LRRC37A2: variants seen among roughly 807,000 people sequenced by gnomAD.
LRRC37A2 encodes the protein leucine rich repeat containing 37 member A2.
Under a neutral mutation model 68.8 loss-of-function variants are expected in LRRC37A2, and 9 were observed. The ratio of observed to expected loss-of-function variants is 0.13; its 90% confidence interval spans 0.08 to 0.23. The LOEUF (loss-of-function observed/expected upper bound fraction) is 0.23. LRRC37A2 is among the 10% of genes least tolerant of loss of function. The pLI is 1.00. For missense variants in LRRC37A2, 168 were observed against 950.4 expected, an observed-to-expected ratio of 0.18 and a Z score of 10.82; for synonymous variants, 63 against 367.6, an observed-to-expected ratio of 0.17 and a Z score of 9.48.
chr17:47,029,238 C>T, the LRRC37A2 span, among the ~76,000 whole-genome samples: 1 of 151,810 alleles, frequency 6.6e-6, no homozygotes, highest in East Asian at 2.0e-4. Flanking sequence ...CAGGTGTGAG[C>T]CACCATGCCT....
In LRRC37A2 at chr17:46,534,250, G is replaced by A. The variant is rs951339722; in HGVS notation, c.2907-5926G>A. Among the ~76,000 whole-genome samples the A allele has an allele frequency of 4.1e-5, 6 of 145,510 alleles. 1 individual carries two copies. Among genetic ancestry groups the A allele is most frequent in the African/African-American group, 1.6e-4 (6 of 36,662 alleles). ...TTCTTGGGTGTTTCTCGCAGAGGGG[G>A]ATTTGGCAGGGTCATAGGACAATAG... On this transcript the variant is annotated intron_variant, in intron 6 of 14. Coordinates refer to ENST00000576629, the Ensembl canonical transcript of LRRC37A2.
At chr17:46,924,138 G>T in the LRRC37A2 span, 1 of 328,444 alleles carries the variant, frequency 3.0e-6, no homozygotes, top group Non-Finnish European at 5.5e-6. Context: ...CTTCCTTCCA[G>T]AACACCTAGT....
At chr17:46,919,940 C>T in the LRRC37A2 span, among the ~76,000 whole-genome samples, 1 of 151,858 alleles carries the variant, frequency 6.6e-6, no homozygotes, top group South Asian at 2.1e-4. Flanking sequence ...GAGCGAGACT[C>T]CATCTCAAAA....
At chr17:47,014,214 AC>A in the LRRC37A2 span, among the ~76,000 whole-genome samples, 1 of 151,948 alleles carries the variant, frequency 6.6e-6, no homozygotes, top group Non-Finnish European at 1.5e-5. Context: ...ACATGGTGAA[AC>A]CCCGTCTCTA....
In LRRC37A2 at chr17:46,549,038, A is replaced by G. The variant is rs1292367315; in HGVS notation, c.3899A>G (p.His1300Arg). The G allele has an allele frequency of 2.5e-6, 4 of 1,612,158 alleles. No individual in the cohort carries two copies. The highest frequency in any genetic ancestry group is 1.6e-4 in the Middle Eastern group (1 of 6,076). The stretch of plus-strand genomic sequence containing the variant: ...ACGAAGACGTCTAAACCAATCGTAC[A>G]TGCCAGAAAAAAATACCGCTTTCAC... The change falls in exon 10 of 15, where the codon CAT (histidine) becomes CGT (arginine). Residue 1300 changes from histidine (H) to arginine (R), a missense_variant. Coordinates refer to ENST00000576629, the Ensembl canonical transcript of LRRC37A2.
At chr17:46,867,696 G>T in the LRRC37A2 span, among the ~76,000 whole-genome samples, 1 of 151,900 alleles carries the variant, frequency 6.6e-6, no homozygotes, top group African/African-American at 2.4e-5. Flanking sequence ...ACAATTGTGG[G>T]TGGGGTGTGT....
chr17:46,931,139 C>G, the LRRC37A2 span: 2 of 1,611,026 alleles, frequency 1.2e-6, no homozygotes, highest in Non-Finnish European at 1.7e-6. Context: ...ACCAGATATT[C>G]AGCCGTCTAG....
At chr17:47,021,559 G>A in the LRRC37A2 span, 1 of 469,300 alleles carries the variant, frequency 2.1e-6, no homozygotes, top group African/African-American at 3.6e-5. Context: ...AGACACATAA[G>A]TGCTTTTAGA....
chr17:46,525,517 G>A (rs2458046), intron 6 of LRRC37A2, among the ~76,000 whole-genome samples: 4 of 111,190 alleles, frequency 3.6e-5, no homozygotes, highest in African/African-American at 9.7e-5. Flanking sequence ...AAACCAGGAG[G>A]CGGAGGTTGC....
the LRRC37A2 span, among the ~76,000 whole-genome samples, chr17:46,679,904 T>G: frequency 1.4e-5 from 2 of 148,114 alleles, no homozygotes; most frequent in South Asian, 4.3e-4. Context: ...ACAATTTCAT[T>G]TATAGCAGAA....
the LRRC37A2 span, among the ~76,000 whole-genome samples, chr17:47,004,171 C>T: frequency 6.6e-6 from 1 of 152,184 alleles, no homozygotes; most frequent in Non-Finnish European, 1.5e-5. Flanking sequence ...AATAGTGCCA[C>T]AATAAACATA....
the LRRC37A2 span, chr17:46,755,356 A>C: frequency 1.2e-6 from 2 of 1,613,400 alleles, no homozygotes; most frequent in African/African-American, 1.3e-5. Flanking sequence ...GGCCCTCTTA[A>C]GAGAAGAAGG....
the LRRC37A2 span, among the ~76,000 whole-genome samples, chr17:46,958,455 G>A: frequency 6.6e-6 from 1 of 152,238 alleles, no homozygotes; most frequent in Non-Finnish European, 1.5e-5. Context: ...TCGAACTGAA[G>A]GAAGTGCTGA....
At chr17:46,914,570 G>A in the LRRC37A2 span, among the ~76,000 whole-genome samples, 85,620 of 146,902 alleles carry the variant, frequency 0.58, 24,726 homozygotes, top group Non-Finnish European at 0.62. Context: ...AAAATCTCTT[G>A]AACCCGGAAG....
At chr17:46,907,693 A>AAAAAC in the LRRC37A2 span, among the ~76,000 whole-genome samples, 3 of 135,554 alleles carry the variant, frequency 2.2e-5, no homozygotes, top group Non-Finnish European at 4.7e-5. Flanking sequence ...AAAAAACAAA[A>AAAAAC]AACCCAAAAT....
chr17:46,703,680 C>CAAAAAAAAAAAAAA, the LRRC37A2 span, among the ~76,000 whole-genome samples: 143 of 37,186 alleles, frequency 3.8e-3, 1 homozygote, highest in South Asian at 4.8e-3. Flanking sequence ...GACTCCGTCT[C>CAAAAAAAAAAAAAA]AAAAAAAAAA....
the LRRC37A2 span, among the ~76,000 whole-genome samples, chr17:46,770,773 G>C: frequency 7.2e-5 from 11 of 152,188 alleles, no homozygotes; most frequent in Non-Finnish European, 1.3e-4. Context: ...GCAGGGAAAG[G>C]AGAGACTCTC....
At chr17:46,764,849 G>A in the LRRC37A2 span, among the ~76,000 whole-genome samples, 2 of 152,174 alleles carry the variant, frequency 1.3e-5, no homozygotes, top group African/African-American at 4.8e-5. Context: ...CACAGAATGG[G>A]ATCGAAATTC....
chr17:46,847,690 C>T, the LRRC37A2 span, among the ~76,000 whole-genome samples: 4 of 152,290 alleles, frequency 2.6e-5, no homozygotes, highest in East Asian at 7.7e-4. Context: ...GGGGCATCAT[C>T]TGTTCCACTT....
Sources: allele counts gnomAD v4.1 joint callset (sites outside exome capture counted in the v4.1 genomes callset), GRCh38; gene constraint gnomAD v4.1.1; transcripts MANE v1.5; gene names NCBI Gene and HGNC (gene_info 2026-07-23, HGNC 2026-07-21).